The following ABCC4 variants were observed in gnomAD, a reference collection of about 807,000 sequenced individuals.
The protein encoded by ABCC4 is ATP binding cassette subfamily C member 4 (PEL blood group).
Under a neutral mutation model 168.5 loss-of-function variants are expected in ABCC4, and 102 were observed. The observed-to-expected ratio is 0.61, with a 90% CI of 0.52 to 0.71. ABCC4 has a LOEUF of 0.71. ABCC4 is among the 30% of genes least tolerant of loss of function. The probability of loss-of-function intolerance (pLI) is 0.00; values close to 1 mark genes in which losing one functional copy is unlikely to be tolerated. For synonymous variants in ABCC4, 617 were observed against 590.7 expected, an observed-to-expected ratio of 1.04 and a Z score of -0.65; for missense variants, 1,402 against 1,605.8, an observed-to-expected ratio of 0.87 and a Z score of 2.17.
intron 4 of ABCC4, among the ~76,000 whole-genome samples, chr13:95,231,327 T>C (rs1337722836): frequency 6.6e-6 from 1 of 152,212 alleles, no homozygotes; most frequent in African/African-American, 2.4e-5. Context: ...GAAAAATTAA[T>C]GATGAAAAGC....
intron 1 of ABCC4, among the ~76,000 whole-genome samples, chr13:95,300,972 G>C (rs775486808): frequency 6.6e-6 from 1 of 152,040 alleles, no homozygotes; most frequent in Non-Finnish European, 1.5e-5. Context: ...AGCCCTAAGG[G>C]CCCGCAGGGC....
chr13:95,021,782 A>T (rs540191119), intron 30 of ABCC4, 100 bp from the exon 31 acceptor site: 1 of 784,138 alleles, frequency 1.3e-6, no homozygotes, highest in African/African-American at 1.7e-5. Flanking sequence ...ATGTGAAGCA[A>T]ATCATATCCC....
intron 17 of ABCC4, 77 bp from the exon 18 acceptor site, chr13:95,163,293 C>G (rs1008928105): frequency 6.0e-6 from 6 of 1,006,274 alleles, no homozygotes; most frequent in South Asian, 1.5e-5. Context: ...AAATGAACCA[C>G]AATTTGGGAG....
intron 1 of ABCC4, among the ~76,000 whole-genome samples, chr13:95,299,156 G>C (rs530681998): frequency 4.0e-5 from 6 of 151,750 alleles, no homozygotes; most frequent in Admixed American, 6.6e-5. Flanking sequence ...CTACTCGGGA[G>C]GCTGAGGCAG....
chr13:95,092,168 A>G (rs551342679), intron 20 of ABCC4, among the ~76,000 whole-genome samples: 1 of 152,332 alleles, frequency 6.6e-6, no homozygotes, highest in Non-Finnish European at 1.5e-5. Context: ...TAAAACAATT[A>G]CTAATAGAAT....
rs554884258 is a variant in ABCC4, at chr13:95,159,093, TTATATATATATATATATA to T, written c.2455+2078_2455+2095del. On this transcript the variant is annotated intron_variant, in intron 19 of 30. Transcript: ENST00000645237. The stretch of plus-strand genomic sequence containing the variant: ...ATGAGACCTTATTTCTAAATAAATT[TTATATATATATATATATA>T]TATATATATATATATATATATAACT... Among the ~76,000 whole-genome samples, 199 of 61,030 alleles carry T rather than the reference TTATATATATATATATATA, an allele frequency of 3.3e-3. 3 individuals carry two copies. Among genetic ancestry groups the T allele is most frequent in the African/African-American group, 6.5e-3 (143 of 22,102 alleles). The allele number at this position is 61,030 out of a possible 152,430, so 40.0% of individuals were successfully genotyped here.
In ABCC4 at chr13:95,126,004, C is replaced by T. The variant is rs144419779; in HGVS notation, c.2456-10003G>A. Among the ~76,000 whole-genome samples, 929 of 152,242 alleles carry T rather than the reference C, an allele frequency of 6.1e-3. 11 individuals are homozygous for T. The highest frequency in any genetic ancestry group is 0.021 in the African/African-American group (872 of 41,526). ...CAATGAATGCCACAGAGTGTTTTCGCTTGGAAATGCACATGTGTACAGTTT... is the reference window on the plus strand; with the variant it reads ...CAATGAATGCCACAGAGTGTTTTCGTTTGGAAATGCACATGTGTACAGTTT... On this transcript the variant is annotated intron_variant, in intron 19 of 30. Transcript: ENST00000645237.
At chr13:95,212,836 G>A (rs910139462) in intron 4 of ABCC4, among the ~76,000 whole-genome samples, 7 of 152,142 alleles carry the variant, frequency 4.6e-5, no homozygotes, top group African/African-American at 1.7e-4. Flanking sequence ...TATTATTAAT[G>A]AGGAAGACAT....
rs557209834 is a variant in ABCC4 at position 95,261,429 on chromosome 13, G to A, written c.75-13676C>T. Among the ~76,000 whole-genome samples, 133 of 152,038 alleles carry A rather than the reference G, an allele frequency of 8.7e-4. No individual in the cohort carries two copies. In the Middle Eastern group the frequency reaches 0.01, roughly 12 times the overall value. ...ACACCACTGCAACTCCACCCTGGGC[G>A]ACAGAGCAAGACTCCCTATCAAAAA... On this transcript the variant is annotated intron_variant, in intron 1 of 30. Coordinates refer to ENST00000645237, the MANE Select transcript of ABCC4 (RefSeq NM_005845.5).
chr13:95,219,520 TTG>T (rs1264502748), intron 4 of ABCC4, among the ~76,000 whole-genome samples: 1 of 152,136 alleles, frequency 6.6e-6, no homozygotes, highest in Non-Finnish European at 1.5e-5. Context: ...CATCTTTTTG[TTG>T]TGTGTGTGTG....
chr13:95,222,819 A>C (rs1482913465), intron 4 of ABCC4, among the ~76,000 whole-genome samples: 1 of 152,162 alleles, frequency 6.6e-6, no homozygotes, highest in Admixed American at 6.5e-5. Context: ...CCCAGGAGAG[A>C]TGTGGCAACG....
At chr13:95,268,021 T>G (rs745343710) in intron 1 of ABCC4, among the ~76,000 whole-genome samples, 1 of 152,110 alleles carries the variant, frequency 6.6e-6, no homozygotes, top group African/African-American at 2.4e-5. Context: ...GACACTACTA[T>G]GTGGGGAGAA....
intron 1 of ABCC4, among the ~76,000 whole-genome samples, chr13:95,270,102 T>C (rs2040807634): frequency 6.6e-6 from 1 of 152,022 alleles, no homozygotes. Context: ...AAAATCCACA[T>C]TTGTATAGCT....
chr13:95,235,388 G>A (rs2039736534), intron 3 of ABCC4, among the ~76,000 whole-genome samples: 1 of 152,064 alleles, frequency 6.6e-6, no homozygotes, highest in South Asian at 2.1e-4. Flanking sequence ...TACAAACAGG[G>A]CTTTAAAGCA....
At chr13:95,130,326 A>C (rs893709754) in intron 19 of ABCC4, among the ~76,000 whole-genome samples, 9 of 152,192 alleles carry the variant, frequency 5.9e-5, no homozygotes, top group African/African-American at 2.2e-4. Flanking sequence ...AGAAGCAAAA[A>C]CAGAAAGCAT....
chr13:95,066,234 T>C (rs1678409), intron 25 of ABCC4, among the ~76,000 whole-genome samples: 141,725 of 152,298 alleles, frequency 0.93, 66,070 homozygotes, highest in Non-Finnish European at 0.95. Flanking sequence ...AACCACCTTC[T>C]AAAGTCTGTT....
Position 95,188,514 on chromosome 13 carries a change from A to G in ABCC4, c.1292T>C (p.Leu431Pro). 1 of 1,613,644 alleles carries G rather than the reference A, an allele frequency of 6.2e-7. No homozygotes were observed. Among genetic ancestry groups the G allele is most frequent in the East Asian group, 2.2e-5 (1 of 44,864 alleles). The change falls in exon 10 of 31, where the codon CTT (leucine) becomes CCT (proline). Residue 431 changes from leucine to proline, a missense_variant. Leu to Pro is a moderately conservative substitution (Grantham distance 98). Coordinates refer to ENST00000645237, the MANE Select transcript of ABCC4 (RefSeq NM_005845.5). ...KASETPTLQG[L>P]SFTVRPGELL... is the part of the protein sequence containing the mutation. ...TTCGCCAGGTCTGACAGTAAAGGAA[A>G]GGCCTTGTAGAGTTGGGGTCTCTGA...
chr13:95,206,784 G>T lies in ABCC4; in HGVS notation c.912-3C>A. ...TCAGAATCTTGGAAATCTCCTTCCT[G>T]AAAGAGAGTACAGGTTTTTAAAAAA... On this transcript the variant is annotated splice_region_variant and splice_polypyrimidine_tract_variant and intron_variant, in intron 7 of 30. Coordinates refer to ENST00000645237, the MANE Select transcript of ABCC4 (RefSeq NM_005845.5). The T allele has an allele frequency of 6.2e-7, 1 of 1,613,920 alleles. No individual in the cohort carries two copies. Among genetic ancestry groups the T allele is most frequent in the South Asian group, 1.1e-5 (1 of 91,042 alleles).
intron 19 of ABCC4, among the ~76,000 whole-genome samples, chr13:95,154,004 A>AATTTGTG (rs1246644129): frequency 1.3e-5 from 2 of 152,212 alleles, no homozygotes; most frequent in African/African-American, 4.8e-5. Context: ...CATTATTTTT[A>AATTTGTG]ATTTGTGATA....
Sources: allele counts gnomAD v4.1 joint callset (sites outside exome capture counted in the v4.1 genomes callset), GRCh38; gene constraint gnomAD v4.1.1; transcripts MANE v1.5; gene names NCBI Gene and HGNC (gene_info 2026-07-23, HGNC 2026-07-21).